The following ARHGAP12 variants were observed in gnomAD, a reference collection of about 807,000 sequenced individuals.
The protein encoded by ARHGAP12 is Rho GTPase activating protein 12.
ARHGAP12 carries 64 observed loss-of-function variants against 108.6 expected under a neutral mutation model. That is an observed-to-expected ratio of 0.59 (90% CI 0.48 to 0.73). ARHGAP12 has a LOEUF of 0.73. Ranked by LOEUF, ARHGAP12 falls within the 30% of genes least tolerant of loss-of-function variation. The probability of loss-of-function intolerance (pLI) is 0.00; values close to 1 mark genes in which losing one functional copy is unlikely to be tolerated. For synonymous variants in ARHGAP12, 312 were observed against 337.2 expected (o/e 0.93, Z 0.82); for missense variants, 940 against 1,005.9 (o/e 0.93, Z 0.89).
chr10:31,874,958 C>G (rs530162707), intron 3 of ARHGAP12, among the ~76,000 whole-genome samples: 1 of 107,194 alleles, frequency 9.3e-6, no homozygotes, highest in Non-Finnish European at 1.7e-5. Context: ...TGGGTGACAA[C>G]GCAAGACTCT....
At chr10:31,928,464 C>T (rs961413573) in intron 1 of ARHGAP12, among the ~76,000 whole-genome samples, 2 of 150,294 alleles carry the variant, frequency 1.3e-5, no homozygotes, top group African/African-American at 5.0e-5. Context: ...GCCCCCTCCC[C>T]CTCGGCGCCT....
intron 4 of ARHGAP12, among the ~76,000 whole-genome samples, chr10:31,860,975 A>G (rs1311740771): frequency 6.6e-6 from 1 of 152,210 alleles, no homozygotes; most frequent in Non-Finnish European, 1.5e-5. Context: ...GGATCGCTTA[A>G]GCCCAAGAGT....
At chr10:31,916,562 T>G (rs1839565896) in intron 1 of ARHGAP12, among the ~76,000 whole-genome samples, 1 of 152,216 alleles carries the variant, frequency 6.6e-6, no homozygotes, top group Admixed American at 6.5e-5. Context: ...CCAACCAATC[T>G]GTTTAAGAGG....
intron 3 of ARHGAP12, among the ~76,000 whole-genome samples, chr10:31,901,047 T>C (rs897722719): frequency 6.6e-6 from 1 of 150,376 alleles, no homozygotes; most frequent in Non-Finnish European, 1.5e-5. Context: ...CAAAACCCCG[T>C]CTCTACTAAA....
chr10:31,928,408 G>C (rs1165946191), intron 1 of ARHGAP12, among the ~76,000 whole-genome samples: 2 of 151,714 alleles, frequency 1.3e-5, no homozygotes, highest in African/African-American at 2.4e-5. Context: ...CCACAACTTC[G>C]GGCCATTTAA....
intron 3 of ARHGAP12, among the ~76,000 whole-genome samples, chr10:31,895,926 C>T (rs1228229717): frequency 4.6e-5 from 7 of 152,110 alleles, no homozygotes; most frequent in Admixed American, 4.6e-4. Context: ...AGGATGAGTT[C>T]ATGTCCTTTG....
chr10:31,916,625 C>CT (rs1423377444), intron 1 of ARHGAP12, among the ~76,000 whole-genome samples: 3 of 152,038 alleles, frequency 2.0e-5, no homozygotes, highest in East Asian at 3.9e-4. Flanking sequence ...CATAATGTAT[C>CT]TTTTTTTTGG....
chr10:31,833,494 A>G (rs969549635), intron 9 of ARHGAP12, among the ~76,000 whole-genome samples: 13 of 152,200 alleles, frequency 8.5e-5, no homozygotes, highest in Admixed American at 4.6e-4. Flanking sequence ...CTGAAACTGG[A>G]ACATAACTGA....
rs536132824 is a variant in ARHGAP12, at chr10:31,919,835, T to C, written c.-111+8848A>G. 7.3e-5 allele frequency among the ~76,000 whole-genome samples: 9 copies of C among 123,206 alleles called. No homozygotes were observed. The South Asian group carries it at 2.3e-3, about 32-fold the overall frequency. The allele number at this position is 123,206 out of a possible 152,430, so 80.8% of individuals were successfully genotyped here. A position where few individuals can be genotyped will look rare whatever the true frequency, so the allele number is the denominator to read the frequency against. The stretch of plus-strand genomic sequence containing the variant: ...AAAAAAAACAAAAAACAAGTAAATA[T>C]TGGCCAGGCACGGTGGCTCACGCCA... On this transcript the variant is annotated intron_variant, in intron 1 of 19. Transcript: ENST00000344936.
intron 6 of ARHGAP12, among the ~76,000 whole-genome samples, chr10:31,848,156 A>AAGCCAC (rs1836532792): frequency 6.6e-6 from 1 of 152,188 alleles, no homozygotes; most frequent in African/African-American, 2.4e-5. Context: ...CAGTGAAAGC[A>AAGCCAC]AGCCACACAG....
chr10:31,842,850 A>T (rs1298911190), intron 7 of ARHGAP12, among the ~76,000 whole-genome samples: 3 of 152,126 alleles, frequency 2.0e-5, no homozygotes, highest in Non-Finnish European at 4.4e-5. Flanking sequence ...CTACACTGTG[A>T]ATAAGTAACC....
intron 13 of ARHGAP12, among the ~76,000 whole-genome samples, chr10:31,814,615 G>A (rs1835135853): frequency 6.6e-6 from 1 of 152,134 alleles, no homozygotes; most frequent in African/African-American, 2.4e-5. Flanking sequence ...CACTGATGAT[G>A]AGGCTATCTT....
chr10:31,879,376 C>T (rs1196352030), intron 3 of ARHGAP12, among the ~76,000 whole-genome samples: 1 of 152,040 alleles, frequency 6.6e-6, no homozygotes, highest in Non-Finnish European at 1.5e-5. Flanking sequence ...AGAGTGAGAC[C>T]CTCTCTCAAA....
intron 1 of ARHGAP12, among the ~76,000 whole-genome samples, chr10:31,912,454 C>T (rs572231001): frequency 1.3e-5 from 2 of 152,300 alleles, no homozygotes; most frequent in Admixed American, 1.3e-4. Flanking sequence ...CAATCTCTTT[C>T]ACTGCCAGGC....
chr10:31,919,388 A>T (rs929570176), intron 1 of ARHGAP12, among the ~76,000 whole-genome samples: 7 of 152,216 alleles, frequency 4.6e-5, no homozygotes, highest in Non-Finnish European at 1.0e-4. Context: ...TTCATGTTAT[A>T]TATATTTCAC....
In ARHGAP12 at chr10:31,805,647, TTCACACACACACAC is replaced by T. The variant is rs1564359570; in HGVS notation, c.*1997_*2010del. ...TGTAGACTAATAAAACATTTAAGAC[TTCACACACACACAC>T]ACACACACACACACACACACACACG... On this transcript the variant is annotated 3_prime_UTR_variant, in exon 20 of 20. Transcript: ENST00000344936. The T allele has an allele frequency of 2.1e-5, 1 of 47,950 alleles. No homozygotes were observed. Among genetic ancestry groups the T allele is most frequent in the East Asian group, 5.2e-4 (1 of 1,916 alleles). The allele number at this position is 47,950 out of a possible 1,614,324, so 3.0% of individuals were successfully genotyped here.
intron 3 of ARHGAP12, among the ~76,000 whole-genome samples, chr10:31,868,709 G>A (rs1837425242): frequency 6.6e-6 from 1 of 151,974 alleles, no homozygotes; most frequent in Admixed American, 6.5e-5. Flanking sequence ...GTTGAGGCGG[G>A]AAGATCACTT....
At chr10:31,848,674 A>G (rs1262418626) in intron 6 of ARHGAP12, among the ~76,000 whole-genome samples, 1 of 152,102 alleles carries the variant, frequency 6.6e-6, no homozygotes, top group Admixed American at 6.5e-5. Context: ...TTACCTATTC[A>G]TGTATGTTTT....
At chr10:31,844,332 A>C (rs188540790) in intron 6 of ARHGAP12, among the ~76,000 whole-genome samples, 34 of 152,320 alleles carry the variant, frequency 2.2e-4, no homozygotes, top group African/African-American at 7.9e-4. Flanking sequence ...CACAGTCTTT[A>C]AAGTTTTACT....
Sources: gnomAD v4.1 joint callset for allele counts (sites outside exome capture counted in the v4.1 genomes callset) on GRCh38, gnomAD v4.1.1 for gene constraint, MANE v1.5 for transcripts, NCBI Gene and HGNC (gene_info 2026-07-23, HGNC 2026-07-21) for gene names.